Variants in FHIT observed in about 807,000 individuals in gnomAD.
FHIT encodes fragile histidine triad diadenosine triphosphatase.
A neutral mutation model predicts 17.9 loss-of-function variants in FHIT; 19 were observed. That is an observed-to-expected ratio of 1.06 (90% CI 0.74 to 1.56). The LOEUF is 1.56. FHIT is among the 40% of genes most tolerant of loss of function. The pLI is 0.00. For missense variants in FHIT, 248 were observed against 189.2 expected (o/e 1.31, Z -1.82); for synonymous variants, 81 against 69.7 (o/e 1.16, Z -0.81).
chr3:61,083,173 G>A (rs1006281106), intron 2 of FHIT, among the ~76,000 whole-genome samples: 5 of 151,986 alleles, frequency 3.3e-5, no homozygotes, highest in African/African-American at 1.2e-4. Context: ...TAGTTTTATT[G>A]AGATATAACT....
chr3:59,747,746 C>CTT lies in FHIT; in HGVS notation c.*1837_*1838dup, dbSNP rs1286840554. Among the ~76,000 whole-genome samples the CTT allele has an allele frequency of 6.6e-6, 1 of 151,458 alleles. No individual in the cohort carries two copies. The highest frequency in any genetic ancestry group is 2.4e-5 in the African/African-American group (1 of 41,244). ...CCCATCAGCCCTAGGGAAGCTGACT[C>CTT]TTTGGTTTTCCCCCATGCACCTTGT... is the stretch of plus-strand genomic sequence containing the variant. On this transcript the variant is annotated 3_prime_UTR_variant, in exon 10 of 10. Coordinates refer to ENST00000492590, the MANE Select transcript of FHIT (RefSeq NM_002012.4).
intron 2 of FHIT, among the ~76,000 whole-genome samples, chr3:61,052,850 A>AT (rs58097138): frequency 0.17 from 24,993 of 151,224 alleles, 2,316 homozygotes; most frequent in African/African-American, 0.22. Flanking sequence ...TAATTAATCT[A>AT]TTTTTTTTTA....
chr3:60,096,077 C>A (rs536073289), intron 5 of FHIT, among the ~76,000 whole-genome samples: 1 of 152,216 alleles, frequency 6.6e-6, no homozygotes, highest in South Asian at 2.1e-4. Flanking sequence ...GCCAGTGACA[C>A]CCTGCCCAGG....
At chr3:60,305,090 G>C (rs1326868462) in intron 5 of FHIT, among the ~76,000 whole-genome samples, 1 of 151,976 alleles carries the variant, frequency 6.6e-6, no homozygotes, top group Non-Finnish European at 1.5e-5. Context: ...TTGGATTGGG[G>C]GCTGGGGTTT....
chr3:60,642,440 G>A (rs568855171), intron 4 of FHIT, among the ~76,000 whole-genome samples: 2 of 152,224 alleles, frequency 1.3e-5, no homozygotes, highest in Admixed American at 1.3e-4. Context: ...TTTCACAAGA[G>A]GCCCAAAGAC....
At chr3:61,087,933 T>C (rs1378223152) in intron 2 of FHIT, among the ~76,000 whole-genome samples, 2 of 152,122 alleles carry the variant, frequency 1.3e-5, no homozygotes, top group Non-Finnish European at 2.9e-5. Context: ...ACCCAAGCTT[T>C]GTGAAGAAGG....
rs2107599549 is a variant in FHIT at position 60,536,977 on chromosome 3, A to C, written c.-15T>G. 1 of 1,597,726 alleles carries C rather than the reference A, an allele frequency of 6.3e-7. No homozygotes were observed. The highest frequency in any genetic ancestry group is 1.8e-5 in the Admixed American group (1 of 55,956). ...CTGAACGACATGTCCTCACAGTTGA[A>C]GTCTAAAAGAAAAGACAATGGATAG... On this transcript the variant is annotated splice_region_variant and 5_prime_UTR_variant, in exon 5 of 10. Coordinates refer to ENST00000492590, the MANE Select transcript of FHIT (RefSeq NM_002012.4).
intron 2 of FHIT, among the ~76,000 whole-genome samples, chr3:61,051,481 T>C (rs1283014832): frequency 6.6e-6 from 1 of 152,070 alleles, no homozygotes; most frequent in Non-Finnish European, 1.5e-5. Context: ...AACTCTAGCC[T>C]CAAGCCATCT....
At chr3:60,391,123 G>C (rs1454614504) in intron 5 of FHIT, among the ~76,000 whole-genome samples, 1 of 152,080 alleles carries the variant, frequency 6.6e-6, no homozygotes, top group East Asian at 1.9e-4. Context: ...AGGAGGAAGA[G>C]GTTGCAGTGA....
At position 60,944,436 on chromosome 3, in the gene FHIT, A is replaced by T. The variant is rs573942316; in HGVS notation, c.-111+97611T>A. ...TAACTTTCAGTGTGTCAGTGAGCACATCTGGCTGCTAGGTTGGCATGTCCT... is the reference window on the plus strand; with the variant it reads ...TAACTTTCAGTGTGTCAGTGAGCACTTCTGGCTGCTAGGTTGGCATGTCCT... On this transcript the variant is annotated intron_variant, in intron 3 of 9. Transcript: ENST00000492590. Among the ~76,000 whole-genome samples, 134 of 152,266 alleles carry T rather than the reference A, an allele frequency of 8.8e-4. 1 individual carries two copies. The Middle Eastern group carries it at 0.01, about 12-fold the overall frequency.
intron 4 of FHIT, among the ~76,000 whole-genome samples, chr3:60,541,689 C>T (rs1410567451): frequency 2.6e-5 from 4 of 152,176 alleles, no homozygotes; most frequent in Non-Finnish European, 4.4e-5. Context: ...GACTATGAAC[C>T]TGAAACAGCT....
chr3:60,531,238 C>T (rs758633032), intron 5 of FHIT, among the ~76,000 whole-genome samples: 9 of 150,160 alleles, frequency 6.0e-5, no homozygotes, highest in Non-Finnish European at 1.0e-4. Context: ...AGTGCTTGTG[C>T]TCATTTTACT....
intron 3 of FHIT, among the ~76,000 whole-genome samples, chr3:60,881,617 A>G (rs530360029): frequency 6.6e-6 from 1 of 152,304 alleles, no homozygotes; most frequent in African/African-American, 2.4e-5. Flanking sequence ...CTAGAAATCA[A>G]TAACAAGAGG....
At chr3:60,132,996 C>T (rs531146857) in intron 5 of FHIT, among the ~76,000 whole-genome samples, 1 of 152,130 alleles carries the variant, frequency 6.6e-6, no homozygotes, top group East Asian at 1.9e-4. Flanking sequence ...CAAACATCTA[C>T]CCAATACAGA....
At chr3:59,876,100 A>G (rs576432274) in intron 8 of FHIT, among the ~76,000 whole-genome samples, 1 of 152,180 alleles carries the variant, frequency 6.6e-6, no homozygotes, top group Non-Finnish European at 1.5e-5. Context: ...GGTAGATGTA[A>G]TTATAGTTTC....
chr3:60,026,477 T>A (rs1700745352), intron 5 of FHIT, among the ~76,000 whole-genome samples: 11 of 152,188 alleles, frequency 7.2e-5, no homozygotes, highest in Admixed American at 7.2e-4. Context: ...GTCTGTACTT[T>A]TCTACATTCC....
intron 8 of FHIT, among the ~76,000 whole-genome samples, chr3:59,898,623 T>C (rs1212023472): frequency 6.6e-6 from 1 of 152,142 alleles, no homozygotes; most frequent in African/African-American, 2.4e-5. Context: ...AGATAATAAA[T>C]ATCCTCTACA....
intron 5 of FHIT, among the ~76,000 whole-genome samples, chr3:60,115,770 T>C (rs534735372): frequency 7.9e-5 from 12 of 152,272 alleles, no homozygotes; most frequent in South Asian, 2.1e-4. Flanking sequence ...TGAAAAAGTA[T>C]TGACATAGTA....
intron 5 of FHIT, among the ~76,000 whole-genome samples, chr3:60,345,413 T>G (rs1710728097): frequency 6.6e-6 from 1 of 152,220 alleles, no homozygotes; most frequent in Non-Finnish European, 1.5e-5. Context: ...CTGCTATTGT[T>G]AAATACCTAC....
Sources: gnomAD v4.1 joint callset for allele counts (sites outside exome capture counted in the v4.1 genomes callset) on GRCh38, gnomAD v4.1.1 for gene constraint, MANE v1.5 for transcripts, NCBI Gene and HGNC (gene_info 2026-07-23, HGNC 2026-07-21) for gene names.